GLI2: variants seen among roughly 807,000 people sequenced by gnomAD.
GLI2 encodes the protein transcription activator GLI2.
Under a neutral mutation model 78.9 loss-of-function variants are expected in GLI2, and 22 were observed. That is an observed-to-expected ratio of 0.28 (90% CI 0.20 to 0.40). GLI2 has a LOEUF of 0.40. GLI2 is among the 10% of genes least tolerant of loss of function. The probability of loss-of-function intolerance (pLI) is 1.00; values close to 1 mark genes in which losing one functional copy is unlikely to be tolerated. For synonymous variants in GLI2, 974 were observed against 963.7 expected, an observed-to-expected ratio of 1.01 and a Z score of -0.20; for missense variants, 2,097 against 2,213.2, an observed-to-expected ratio of 0.95 and a Z score of 1.05.
intron 2 of GLI2, among the ~76,000 whole-genome samples, chr2:120,854,084 C>A (rs901146915): frequency 1.3e-5 from 2 of 152,118 alleles, no homozygotes; most frequent in African/African-American, 4.8e-5. Context: ...TGCCCTCAAA[C>A]TGCTCACATT....
chr2:120,915,642 G>A (rs931909690), intron 2 of GLI2, among the ~76,000 whole-genome samples: 6 of 152,108 alleles, frequency 3.9e-5, no homozygotes, highest in Admixed American at 1.3e-4. Flanking sequence ...CCTCATTTGC[G>A]AACGAACACC....
intron 3 of GLI2, among the ~76,000 whole-genome samples, chr2:120,939,687 A>T (rs1680363442): frequency 6.6e-6 from 1 of 152,100 alleles, no homozygotes; most frequent in South Asian, 2.1e-4. Flanking sequence ...GGCATTTGGG[A>T]TGTGTCTGTT....
intron 3 of GLI2, among the ~76,000 whole-genome samples, chr2:120,939,848 C>T (rs774251882): frequency 4.6e-5 from 7 of 152,212 alleles, no homozygotes; most frequent in Non-Finnish European, 8.8e-5. Context: ...TGCCAGACTT[C>T]GCCCGCTGGT....
intron 2 of GLI2, among the ~76,000 whole-genome samples, chr2:120,887,792 T>C (rs1168891837): frequency 6.6e-6 from 1 of 152,142 alleles, no homozygotes; most frequent in Non-Finnish European, 1.5e-5. Flanking sequence ...CTCAGCACAC[T>C]CTTAAGAGGA....
At chr2:120,944,343 C>T (rs905478081) in intron 3 of GLI2, among the ~76,000 whole-genome samples, 5 of 152,218 alleles carry the variant, frequency 3.3e-5, no homozygotes, top group African/African-American at 4.8e-5. Flanking sequence ...CCTGGTGCTA[C>T]ACTGCATGCT....
chr2:120,940,130 A>G (rs147634964), intron 3 of GLI2, among the ~76,000 whole-genome samples: 1 of 152,090 alleles, frequency 6.6e-6, no homozygotes, highest in African/African-American at 2.4e-5. Flanking sequence ...TCTTTTTCCC[A>G]TTATTTGAAT....
intron 2 of GLI2, among the ~76,000 whole-genome samples, chr2:120,805,357 G>A (rs1416425047): frequency 6.6e-6 from 1 of 152,242 alleles, no homozygotes; most frequent in Non-Finnish European, 1.5e-5. Flanking sequence ...ATAAGCTGGT[G>A]AACCCTACCT....
At chr2:120,981,125 C>G (rs564494240) in intron 10 of GLI2, among the ~76,000 whole-genome samples, 1 of 152,326 alleles carries the variant, frequency 6.6e-6, no homozygotes, top group African/African-American at 2.4e-5. Flanking sequence ...AGGTGATCCC[C>G]CTGCCTCAGC....
chr2:120,972,354 C>T (rs1307833565), intron 8 of GLI2, among the ~76,000 whole-genome samples: 2 of 152,252 alleles, frequency 1.3e-5, no homozygotes, highest in East Asian at 1.9e-4. Flanking sequence ...GTCTCTCTCT[C>T]GCCACACCTG....
In GLI2 at chr2:120,990,315, G is replaced by A. The variant is rs1683233094; in HGVS notation, c.4350G>A (p.Gln1450=). The stretch of plus-strand genomic sequence containing the variant: ...GCCTGGAGAACCTCGGGAGCTGCCA[G>A]GTCATGCGGTCCCAGCCACCACAGC... The part of the protein sequence containing the change: ...DGGLENLGSC[Q]VMRSQPPQPQ... Residue 1450 remains glutamine, a synonymous_variant, in exon 14 of 14, where the codon CAG becomes CAA. Coordinates refer to ENST00000361492, the MANE Select transcript of GLI2 (RefSeq NM_001374353.1). 2 of 1,613,670 alleles carry A rather than the reference G, an allele frequency of 1.2e-6. No individual in the cohort carries two copies. Among genetic ancestry groups the A allele is most frequent in the Admixed American group, 1.7e-5 (1 of 60,006 alleles).
intron 1 of GLI2, among the ~76,000 whole-genome samples, chr2:120,768,732 T>G (rs974784344): frequency 6.6e-6 from 1 of 152,100 alleles, no homozygotes. Context: ...TTGCTAAGAC[T>G]TGTGGTCCTG....
At chr2:120,935,451 G>A (rs1334513899) in intron 3 of GLI2, among the ~76,000 whole-genome samples, 1 of 152,178 alleles carries the variant, frequency 6.6e-6, no homozygotes, top group Non-Finnish European at 1.5e-5. Flanking sequence ...GATGTAAACG[G>A]CCCTGAGACC....
At chr2:120,828,439 C>T (rs1034850346) in intron 2 of GLI2, among the ~76,000 whole-genome samples, 5 of 152,290 alleles carry the variant, frequency 3.3e-5, no homozygotes, top group African/African-American at 1.2e-4. Context: ...ATTTTTTTCT[C>T]CTCTGTGAAA....
chr2:120,964,823 G>C (rs1681760943), intron 5 of GLI2, among the ~76,000 whole-genome samples: 1 of 152,246 alleles, frequency 6.6e-6, no homozygotes, highest in South Asian at 2.1e-4. Context: ...GCCTGGCCCT[G>C]GGCCTCTGCT....
chr2:120,988,123 C>G (rs893517526), intron 13 of GLI2, 85 bp from the exon 14 acceptor site: 22 of 1,220,866 alleles, frequency 1.8e-5, no homozygotes, highest in Non-Finnish European at 2.5e-5. Context: ...TTCTCGGGCT[C>G]CAGGCCCAGT....
chr2:120,849,058 C>T (rs946882443), intron 2 of GLI2, among the ~76,000 whole-genome samples: 2 of 152,120 alleles, frequency 1.3e-5, no homozygotes, highest in Admixed American at 6.5e-5. Context: ...CAAGGATATG[C>T]GCTAAGTGAA....
Position 120,988,936 on chromosome 2 carries a change from C to G in GLI2, c.2971C>G (p.Arg991Gly). 1 of 1,529,378 alleles carries G rather than the reference C, an allele frequency of 6.5e-7. No individual in the cohort carries two copies. The highest frequency in any genetic ancestry group is 2.5e-5 in the East Asian group (1 of 39,858). 94.7% of individuals were successfully genotyped at this position (1,529,378 alleles called of 1,614,324 possible). The change falls in exon 14 of 14, where the codon CGC becomes GGC. Residue 991 changes from arginine (R) to glycine (G), a missense_variant. Physicochemically the swap from Arg to Gly is moderately radical, Grantham distance 125 (BLOSUM62 -2). This residue lies in a region of GLI2 where 1,290 missense variants were observed against 1,261.7 expected (regional missense o/e 1.02). Transcript: ENST00000361492. The stretch of plus-strand genomic sequence containing the variant: ...GCCCTGTGCCGACAGGCGAGGCCTC[C>G]GCCTGCAGAGCCACCCGAGCACCGA... ...LPPCADRRGL[R>G]LQSHPSTDGG...
At chr2:120,799,287 G>A (rs1043758255) in intron 2 of GLI2, among the ~76,000 whole-genome samples, 2 of 152,096 alleles carry the variant, frequency 1.3e-5, no homozygotes, top group South Asian at 2.1e-4. Flanking sequence ...TGCCCACCCC[G>A]CAGGCCCTTG....
intron 2 of GLI2, among the ~76,000 whole-genome samples, chr2:120,838,797 G>A (rs573260474): frequency 6.6e-6 from 1 of 152,312 alleles, no homozygotes; most frequent in African/African-American, 2.4e-5. Context: ...TTGTGTTACA[G>A]TTGCCTACAA....
Sources: gnomAD v4.1 joint callset for allele counts (sites outside exome capture counted in the v4.1 genomes callset) on GRCh38, gnomAD v4.1.1 for gene constraint, gnomAD v4.1.1 regional missense constraint, MANE v1.5 for transcripts, NCBI Gene and HGNC (gene_info 2026-07-23, HGNC 2026-07-21) for gene names.